Variants in SLC4A4 observed in about 807,000 individuals in gnomAD.
SLC4A4 encodes the protein solute carrier family 4 member 4.
SLC4A4 carries 27 observed loss-of-function variants against 111.5 expected under a neutral mutation model. The observed-to-expected ratio is 0.24, with a 90% CI of 0.18 to 0.33. The LOEUF is 0.33. SLC4A4 is among the 10% of genes least tolerant of loss of function. The probability of loss-of-function intolerance (pLI) is 1.00; values close to 1 mark genes in which losing one functional copy is unlikely to be tolerated. For missense variants in SLC4A4, 909 were observed against 1,315.5 expected (o/e 0.69, Z 4.78); for synonymous variants, 443 against 463.4 (o/e 0.96, Z 0.57).
At chr4:71,188,296 C>T (rs2148992679) in intron 1 of SLC4A4, among the ~76,000 whole-genome samples, 1 of 152,244 alleles carries the variant, frequency 6.6e-6, no homozygotes, top group Admixed American at 6.5e-5. Context: ...TCACTTTTTT[C>T]AGCGCCCTGT....
At chr4:71,361,029 C>A (rs962622914) in intron 6 of SLC4A4, among the ~76,000 whole-genome samples, 2 of 152,150 alleles carry the variant, frequency 1.3e-5, no homozygotes, top group African/African-American at 4.8e-5. Context: ...GGAGGAGGAG[C>A]GGCCCGGCTT....
At chr4:71,396,421 A>G (rs1259221014) in intron 6 of SLC4A4, among the ~76,000 whole-genome samples, 2 of 152,228 alleles carry the variant, frequency 1.3e-5, no homozygotes, top group Non-Finnish European at 2.9e-5. Flanking sequence ...TTGTGAAATT[A>G]TATGTTGAGG....
chr4:71,255,011 C>T (rs761133975), intron 2 of SLC4A4, among the ~76,000 whole-genome samples: 2 of 152,172 alleles, frequency 1.3e-5, no homozygotes, highest in Admixed American at 1.3e-4. Flanking sequence ...AGAGTACACT[C>T]TCACAGAGTC....
intron 8 of SLC4A4, among the ~76,000 whole-genome samples, chr4:71,447,151 T>C (rs1725313164): frequency 6.6e-6 from 1 of 152,230 alleles, no homozygotes; most frequent in African/African-American, 2.4e-5. Context: ...ACTTGGTTTT[T>C]GCTGATTCCC....
intron 2 of SLC4A4, among the ~76,000 whole-genome samples, chr4:71,127,303 G>C (rs1743586116): frequency 6.6e-6 from 1 of 151,752 alleles, no homozygotes; most frequent in Non-Finnish European, 1.5e-5. Context: ...CATGGCAAAT[G>C]TGTCTCTATC....
chr4:71,082,151 C>T (rs531358476), intron 1 of SLC4A4, among the ~76,000 whole-genome samples: 7 of 152,110 alleles, frequency 4.6e-5, no homozygotes, highest in Admixed American at 2.6e-4. Context: ...TTCCCAGGAG[C>T]GTCTGTAGTA....
chr4:71,471,241 A>G (rs183966721), intron 13 of SLC4A4, among the ~76,000 whole-genome samples: 14 of 152,046 alleles, frequency 9.2e-5, no homozygotes, highest in Non-Finnish European at 8.8e-5. Context: ...GGCACTTTCT[A>G]TGTGCCAGGC....
chr4:71,257,564 T>C (rs937324153), intron 3 of SLC4A4, among the ~76,000 whole-genome samples: 1 of 152,184 alleles, frequency 6.6e-6, no homozygotes, highest in African/African-American at 2.4e-5. Context: ...GGGGAAGCCA[T>C]AGGGCTCTGG....
intron 1 of SLC4A4, among the ~76,000 whole-genome samples, chr4:71,078,426 G>A (rs1450281532): frequency 6.6e-6 from 1 of 152,088 alleles, no homozygotes; most frequent in East Asian, 1.9e-4. Context: ...AGGGGGAAGT[G>A]GTAGAGTTTG....
intron 1 of SLC4A4, among the ~76,000 whole-genome samples, chr4:71,201,113 G>A (rs953156701): frequency 6.6e-6 from 1 of 152,182 alleles, no homozygotes; most frequent in Non-Finnish European, 1.5e-5. Flanking sequence ...CAGTTTGTGA[G>A]ATTGTGCAAG....
chr4:71,152,505 C>A (rs545341318), intron 2 of SLC4A4, among the ~76,000 whole-genome samples: 28 of 152,264 alleles, frequency 1.8e-4, no homozygotes, highest in African/African-American at 6.5e-4. Context: ...TGTAGCTCAT[C>A]GTTTTCATAT....
intron 2 of SLC4A4, among the ~76,000 whole-genome samples, chr4:71,156,892 T>C (rs1744493002): frequency 2.0e-5 from 3 of 152,192 alleles, no homozygotes; most frequent in Admixed American, 6.5e-5. Flanking sequence ...ATTCAGCTCA[T>C]GCTTAGGAGT....
chr4:71,156,591 C>CACACAA (rs1276139388), intron 2 of SLC4A4, among the ~76,000 whole-genome samples: 2 of 134,372 alleles, frequency 1.5e-5, no homozygotes, highest in Non-Finnish European at 3.0e-5. Flanking sequence ...CGCGCGCGCA[C>CACACAA]ACACACACAC....
intron 3 of SLC4A4, among the ~76,000 whole-genome samples, chr4:71,285,630 G>A (rs1723855458): frequency 6.6e-6 from 1 of 152,132 alleles, no homozygotes; most frequent in Admixed American, 6.6e-5. Flanking sequence ...TGAGAAACCT[G>A]ACTGTACAAT....
At position 71,084,504 on chromosome 4, in the gene SLC4A4, T is replaced by G. The variant is rs1264095202; in HGVS notation, c.-64-8226T>G. 2.6e-5 allele frequency among the ~76,000 whole-genome samples: 4 copies of G among 152,010 alleles called. 1 individual carries two copies. The highest frequency in any genetic ancestry group is 9.7e-5 in the African/African-American group (4 of 41,282). Reference sequence around the variant, plus strand: ...GTGCCATGTTGGTGTGCTGCACCCATTAACTCGTCATTTAACATTAGGTAT... The same window carrying G: ...GTGCCATGTTGGTGTGCTGCACCCAGTAACTCGTCATTTAACATTAGGTAT... On this transcript the variant is annotated intron_variant, in intron 1 of 26. Coordinates refer to the SLC4A4 transcript ENST00000649996.
chr4:71,531,012 A>G (rs907694123), intron 16 of SLC4A4, among the ~76,000 whole-genome samples: 2 of 152,118 alleles, frequency 1.3e-5, no homozygotes, highest in African/African-American at 4.8e-5. Flanking sequence ...CATGAATTGT[A>G]TCGGTTTTAT....
chr4:71,495,489 A>T (rs1479358009), intron 15 of SLC4A4, among the ~76,000 whole-genome samples: 2 of 152,150 alleles, frequency 1.3e-5, no homozygotes, highest in African/African-American at 2.4e-5. Context: ...GCAGAGTTTG[A>T]TAAAAGCAAG....
At chr4:71,211,771 GTTTTTTT>G (rs66777834) in intron 1 of SLC4A4, among the ~76,000 whole-genome samples, 2 of 140,172 alleles carry the variant, frequency 1.4e-5, no homozygotes, top group Non-Finnish European at 3.1e-5. Context: ...GAATTTATCT[GTTTTTTT>G]TTTTTTTTTT....
chr4:71,446,322 T>C (rs1402693053), intron 8 of SLC4A4, among the ~76,000 whole-genome samples: 4 of 152,164 alleles, frequency 2.6e-5, no homozygotes, highest in Admixed American at 1.3e-4. Context: ...CTGAGCAAAA[T>C]GGCAAGCTGT....
Sources: gnomAD v4.1 joint callset for allele counts (sites outside exome capture counted in the v4.1 genomes callset) on GRCh38, gnomAD v4.1.1 for gene constraint, MANE v1.5 for transcripts, NCBI Gene and HGNC (gene_info 2026-07-23, HGNC 2026-07-21) for gene names.